Variants in MGAT1 observed in about 807,000 individuals in gnomAD.
MGAT1 encodes the protein alpha-1,3-mannosyl-glycoprotein 2-beta-N-acetylglucosaminyltransferase, also known as N-glycosyl-oligosaccharide-glycoprotein N-acetylglucosaminyltransferase I.
A neutral mutation model predicts 31.7 loss-of-function variants in MGAT1; 14 were observed. The ratio of observed to expected loss-of-function variants is 0.44; its 90% CI spans 0.29 to 0.69. The LOEUF (loss-of-function observed/expected upper bound fraction) is 0.69, where lower values mean the gene tolerates loss of function less well. MGAT1 is among the 30% of genes least tolerant of loss of function. MGAT1 has a pLI of 0.12. For missense variants in MGAT1, 557 were observed against 626.0 expected (o/e 0.89, Z 1.18); for synonymous variants, 338 against 276.0 (o/e 1.22, Z -2.23).
intron 1 of MGAT1, chr5:180,811,235 G>A (rs1772541627): frequency 6.6e-6 from 1 of 152,210 alleles, no homozygotes; most frequent in Admixed American, 6.5e-5. Flanking sequence ...TTCTGTCGTG[G>A]GATTTCTCCA....
At position 180,784,883 on chromosome 5, in the gene MGAT1, T is replaced by C. The variant is rs985173195; in HGVS notation, c.*6751A>G. The C allele has an allele frequency of 3.3e-5, 5 of 152,382 alleles. No homozygotes were observed. Among genetic ancestry groups the C allele is most frequent in the Middle Eastern group, 6.8e-3 (2 of 294 alleles). The allele number at this position is 152,382 out of a possible 1,614,324, so 9.4% of individuals were successfully genotyped here. On this transcript the variant is annotated 3_prime_UTR_variant, in exon 2 of 2. Transcript: ENST00000307826. Reference sequence around the variant, plus strand: ...ACGAAAAAAGTTATTTAAAAAACAATATTCATTCTTTACCTTTCTATCAAG... The same window carrying C: ...ACGAAAAAAGTTATTTAAAAAACAACATTCATTCTTTACCTTTCTATCAAG...
At chr5:180,808,501 C>A (rs779753404) in intron 2 of MGAT1, 1 of 152,228 alleles carries the variant, frequency 6.6e-6, no homozygotes, top group African/African-American at 2.4e-5. Context: ...CAAGTCTATA[C>A]CTGGACAGAG....
chr5:180,807,695 T>G (rs1449141642), upstream of MGAT1, among the ~76,000 whole-genome samples: 1 of 152,226 alleles, frequency 6.6e-6, no homozygotes, highest in Non-Finnish European at 1.5e-5. Flanking sequence ...CAATGCAGTA[T>G]CTGCAAGACT....
intron 1 of MGAT1, among the ~76,000 whole-genome samples, chr5:180,812,200 G>C (rs1489424991): frequency 6.6e-6 from 1 of 152,212 alleles, no homozygotes; most frequent in African/African-American, 2.4e-5. Flanking sequence ...TAGCAGCTCA[G>C]CACACATTTG....
rs1768455968 is a variant in MGAT1, at chr5:180,792,700, G to C, written c.272C>G (p.Pro91Arg). ...SQRGRVPTAAPPAQPRVPVTP... is the reference protein window; with the variant it reads ...SQRGRVPTAARPAQPRVPVTP... ...CACAGGCACACGCGGCTGGGCGGGA[G>C]GGGCCGCGGTGGGCACCCTCCCCCG... Residue 91 changes from proline to arginine, a missense_variant, in exon 2 of 2, where the codon CCT becomes CGT. Physicochemically the swap from Pro to Arg is moderately radical, Grantham distance 103. This residue lies in a region of MGAT1 where 167 missense variants were observed against 149.8 expected (regional missense o/e 1.11). Transcript: ENST00000307826. 9 of 1,553,850 alleles carry C rather than the reference G, an allele frequency of 5.8e-6. No homozygotes were observed. Among genetic ancestry groups the C allele is most frequent in the Non-Finnish European group, 7.8e-6 (9 of 1,151,736 alleles).
intron 1 of MGAT1, among the ~76,000 whole-genome samples, chr5:180,797,525 G>A (rs1012391818): frequency 1.8e-4 from 27 of 150,528 alleles, no homozygotes; most frequent in Non-Finnish European, 3.7e-4. Flanking sequence ...GATAACTTCT[G>A]CACCCTTTAG....
chr5:180,797,178 C>T (rs1769573260), intron 1 of MGAT1, among the ~76,000 whole-genome samples: 1 of 152,122 alleles, frequency 6.6e-6, no homozygotes, highest in Non-Finnish European at 1.5e-5. Context: ...GATGCCAAGG[C>T]AGGCGGATCA....
rs150563556 is a variant in MGAT1 at position 180,796,658 on chromosome 5, C to T, written c.-126-3561G>A. 2.8e-3 allele frequency among the ~76,000 whole-genome samples: 424 copies of T among 152,190 alleles called. 3 individuals carry two copies. The highest frequency in any genetic ancestry group is 9.8e-3 in the African/African-American group (408 of 41,524). On this transcript the variant is annotated intron_variant, in intron 1 of 1. Coordinates refer to ENST00000307826, the MANE Select transcript of MGAT1 (RefSeq NM_002406.4). ...AGTCTCACTCTGTCTGTTGCCCAGGCTGGAGTACAGTGGCATGATCTCAGC... is the reference window on the plus strand; with the variant it reads ...AGTCTCACTCTGTCTGTTGCCCAGGTTGGAGTACAGTGGCATGATCTCAGC...
intron 1 of MGAT1, chr5:180,795,860 T>TG (rs1769253282): frequency 6.6e-6 from 1 of 152,234 alleles, no homozygotes; most frequent in African/African-American, 2.4e-5. Flanking sequence ...ATCACACACC[T>TG]GCTCTCTGCC....
intron 1 of MGAT1, among the ~76,000 whole-genome samples, chr5:180,811,601 A>G (rs1323410882): frequency 6.6e-6 from 1 of 150,862 alleles, no homozygotes. Flanking sequence ...CTAGGATGCA[A>G]CACCTCAACA....
chr5:180,812,133 C>T (rs1772617890), intron 1 of MGAT1, among the ~76,000 whole-genome samples: 4 of 152,328 alleles, frequency 2.6e-5, no homozygotes, highest in African/African-American at 4.8e-5. Flanking sequence ...TGAGTGGAGG[C>T]ACATTTGATT....
Position 180,810,218 on chromosome 5 carries a change from C to T in MGAT1, c.-545-1152G>A, listed in dbSNP as rs567781021. 3.8e-4 allele frequency: 57 copies of T among 151,834 alleles called. 1 individual carries two copies. Among genetic ancestry groups the T allele is most frequent in the African/African-American group, 1.3e-3 (54 of 41,446 alleles). 9.4% of individuals were successfully genotyped at this position (151,834 alleles called of 1,614,324 possible). A position where few individuals can be genotyped will look rare whatever the true frequency, so the allele number is the denominator to read the frequency against. On this transcript the variant is annotated intron_variant, in intron 1 of 2. Coordinates refer to the MGAT1 transcript ENST00000333055. ...ATCCACCGCAGCCACTTCCGCCCGT[C>T]CTCCGGAAGTGGGCCCCGGCAACGC... is the stretch of plus-strand genomic sequence containing the variant.
chr5:180,797,431 G>T (rs1012530246), intron 1 of MGAT1, among the ~76,000 whole-genome samples: 2 of 132,676 alleles, frequency 1.5e-5, no homozygotes, highest in East Asian at 2.5e-4. Context: ...AAAAAAAAAG[G>T]GGGGGGGGGC....
intron 1 of MGAT1, chr5:180,810,676 C>G (rs1046975305): frequency 3.0e-5 from 4 of 132,574 alleles, no homozygotes; most frequent in African/African-American, 1.7e-4. Flanking sequence ...GTGACCCCCC[C>G]CCTCCGCCCC....
intron 1 of MGAT1, among the ~76,000 whole-genome samples, chr5:180,814,483 C>T (rs1179975956): frequency 6.6e-6 from 1 of 151,976 alleles, no homozygotes; most frequent in Non-Finnish European, 1.5e-5. Flanking sequence ...TCTCTTTACC[C>T]ACCACTTGCT....
chr5:180,811,921 C>T (rs74415777), intron 1 of MGAT1, among the ~76,000 whole-genome samples: 1 of 152,168 alleles, frequency 6.6e-6, no homozygotes, highest in Non-Finnish European at 1.5e-5. Flanking sequence ...AGGACTGAAC[C>T]CTTCAGCTCT....
At position 180,791,628 on chromosome 5, in the gene MGAT1, C is replaced by G. The variant is rs1441510712; in HGVS notation, c.*6G>C. On this transcript the variant is annotated 3_prime_UTR_variant, in exon 2 of 2. Transcript: ENST00000307826. The stretch of plus-strand genomic sequence containing the variant: ...CAAGGAGGGGCCCAGGAAGGACAGG[C>G]AGGTGCTAATTCCAGCTAGGATCAT... The G allele has an allele frequency of 8.7e-6, 14 of 1,611,868 alleles. No individual in the cohort carries two copies. Among genetic ancestry groups the G allele is most frequent in the African/African-American group, 1.3e-5 (1 of 74,914 alleles).
intron 1 of MGAT1, among the ~76,000 whole-genome samples, chr5:180,812,352 C>G (rs560372228): frequency 3.9e-5 from 6 of 152,240 alleles, no homozygotes; most frequent in Admixed American, 3.3e-4. Flanking sequence ...CTAATCATAC[C>G]ATAGAGACTT....
In MGAT1 at chr5:180,784,855, T is replaced by C. The variant is rs972449975; in HGVS notation, c.*6779A>G. On this transcript the variant is annotated 3_prime_UTR_variant, in exon 2 of 2. Transcript: ENST00000307826. ...TTACACGATAAGCACATATTACTTA[T>C]ATACGAAAAAAGTTATTTAAAAAAC... 1 of 152,236 alleles carries C rather than the reference T, an allele frequency of 6.6e-6. No individual in the cohort carries two copies. Among genetic ancestry groups the C allele is most frequent in the African/African-American group, 2.4e-5 (1 of 41,470 alleles). The allele number at this position is 152,236 out of a possible 1,614,324, so 9.4% of individuals were successfully genotyped here. A position where few individuals can be genotyped will look rare whatever the true frequency, so the allele number is the denominator to read the frequency against.
Sources: allele counts gnomAD v4.1 joint callset (sites outside exome capture counted in the v4.1 genomes callset), GRCh38; gene constraint gnomAD v4.1.1; regional missense constraint gnomAD v4.1.1; transcripts MANE v1.5; gene names NCBI Gene and HGNC (gene_info 2026-07-23, HGNC 2026-07-21).